EHMT1: variants seen among roughly 807,000 people sequenced by gnomAD.
The protein encoded by EHMT1 is histone-lysine N-methyltransferase EHMT1.
In EHMT1, 15 loss-of-function variants were observed where a neutral mutation model predicts 147.2. The observed-to-expected ratio is 0.10, with a 90% confidence interval of 0.07 to 0.16. The LOEUF is 0.16. Ranked by LOEUF, EHMT1 falls within the 10% of genes least tolerant of loss-of-function variation. The pLI is 1.00. For synonymous variants in EHMT1, 795 were observed against 709.6 expected (o/e 1.12, Z -1.91); for missense variants, 1,587 against 1,772.4 (o/e 0.90, Z 1.88).
At chr9:137,818,204 C>T in intron 25 of EHMT1, 66 bp downstream of exon 25, 7 of 1,545,820 alleles carry the variant, frequency 4.5e-6, no homozygotes, top group East Asian at 2.2e-5. Context: ...ATGTGTTTGT[C>T]CCAGTAGGGC....
At chr9:137,677,833 C>T (rs1046688914) in intron 1 of EHMT1, among the ~76,000 whole-genome samples, 1 of 151,186 alleles carries the variant, frequency 6.6e-6, no homozygotes, top group Admixed American at 6.6e-5. Flanking sequence ...CGGAGGCGGG[C>T]GGATCACGAA....
intron 7 of EHMT1, among the ~76,000 whole-genome samples, chr9:137,753,727 TTATAA>T (rs1949160314): frequency 6.6e-6 from 1 of 152,210 alleles, no homozygotes; most frequent in African/African-American, 2.4e-5. Flanking sequence ...TCTTGAAATA[TTATAA>T]GTTAATTACA....
At chr9:137,779,841 C>T (rs749853235) in intron 14 of EHMT1, 124 bp downstream of exon 14, 12 of 1,065,340 alleles carry the variant, frequency 1.1e-5, no homozygotes, top group Non-Finnish European at 1.5e-5. Context: ...TCTGTGTCTC[C>T]GAGTTCTCTG....
chr9:137,706,739 G>C (rs868809129), intron 1 of EHMT1, among the ~76,000 whole-genome samples: 1 of 149,428 alleles, frequency 6.7e-6, no homozygotes, highest in Non-Finnish European at 1.5e-5. Flanking sequence ...CGCCTGCCTC[G>C]GCCTCCCAAA....
At chr9:137,812,912 A>C (rs1174229437) in intron 19 of EHMT1, 94 bp from the exon 20 acceptor site, 22 of 1,524,408 alleles carry the variant, frequency 1.4e-5, no homozygotes, top group Non-Finnish European at 2.0e-5. Flanking sequence ...TGTTCCCTTT[A>C]TTGTTAGTGA....
chr9:137,710,935 C>T (rs1480009354), intron 1 of EHMT1, 32 bp from the exon 2 acceptor site: 3 of 1,577,922 alleles, frequency 1.9e-6, no homozygotes, highest in Admixed American at 1.8e-5. Context: ...TCCCACTGAA[C>T]CCGGCTGACG....
At chr9:137,674,304 C>T (rs1941009183) in intron 1 of EHMT1, among the ~76,000 whole-genome samples, 2 of 152,186 alleles carry the variant, frequency 1.3e-5, no homozygotes, top group Non-Finnish European at 2.9e-5. Context: ...ATTCCAGGTG[C>T]CGAAAGACAT....
At chr9:137,791,998 G>A (rs531410242) in intron 16 of EHMT1, 2 of 450,332 alleles carry the variant, frequency 4.4e-6, no homozygotes, top group African/African-American at 4.1e-5. Flanking sequence ...CTCCCATGGT[G>A]CTGGGATTAT....
intron 3 of EHMT1, among the ~76,000 whole-genome samples, chr9:137,720,421 T>C (rs1265007314): frequency 3.3e-5 from 5 of 152,120 alleles, no homozygotes; most frequent in African/African-American, 4.8e-5. Context: ...CTCCTGCCTC[T>C]GCCTCCTGAG....
At chr9:137,694,313 A>G (rs1943211395) in intron 1 of EHMT1, among the ~76,000 whole-genome samples, 2 of 122,334 alleles carry the variant, frequency 1.6e-5, no homozygotes, top group Admixed American at 1.8e-4. Flanking sequence ...ACGCTAACCG[A>G]TACCCCCCAC....
At position 137,779,628 on chromosome 9, in the gene EHMT1, C is replaced by A; in HGVS notation, c.2193-7C>A. ...CCATGCTGACTGTTGTCTTGTGCTT[C>A]CCACAGACCCAAGAAGCTTCGCTTC... is the stretch of plus-strand genomic sequence containing the variant. On this transcript the variant is annotated splice_polypyrimidine_tract_variant and splice_region_variant and intron_variant, in intron 13 of 26. Coordinates refer to ENST00000460843, the MANE Select transcript of EHMT1 (RefSeq NM_024757.5). 1 of 1,613,832 alleles carries A rather than the reference C, an allele frequency of 6.2e-7. No homozygotes were observed. Among genetic ancestry groups the A allele is most frequent in the Non-Finnish European group, 8.5e-7 (1 of 1,180,044 alleles).
At chr9:137,820,180 G>A (rs565904851) in intron 25 of EHMT1, 3 of 152,216 alleles carry the variant, frequency 2.0e-5, no homozygotes, top group African/African-American at 7.2e-5. Context: ...AGTGACTGTT[G>A]GTGAAATGAC....
chr9:137,726,266 A>G (rs560252279), intron 3 of EHMT1, among the ~76,000 whole-genome samples: 6 of 152,250 alleles, frequency 3.9e-5, no homozygotes, highest in Admixed American at 2.0e-4. Flanking sequence ...TCCTTTAAAC[A>G]CTGACTTCCC....
chr9:137,645,830 A>G (rs1342523729), intron 1 of EHMT1, among the ~76,000 whole-genome samples: 1 of 152,114 alleles, frequency 6.6e-6, no homozygotes. Context: ...TGAAATGCAC[A>G]CTAGATTTCA....
intron 1 of EHMT1, among the ~76,000 whole-genome samples, chr9:137,646,932 C>G (rs1197539132): frequency 6.6e-6 from 1 of 152,164 alleles, no homozygotes; most frequent in East Asian, 1.9e-4. Flanking sequence ...CTCCACTACT[C>G]CTCAGATGCC....
At chr9:137,810,762 G>A (rs1030059872) in intron 18 of EHMT1, among the ~76,000 whole-genome samples, 2 of 151,534 alleles carry the variant, frequency 1.3e-5, no homozygotes, top group African/African-American at 4.9e-5. Context: ...GCAGTGGCAC[G>A]TTCTCGGCTC....
At chr9:137,811,762 C>A (rs1012021813) in intron 19 of EHMT1, 147 bp downstream of exon 19, 4 of 1,091,310 alleles carry the variant, frequency 3.7e-6, no homozygotes, top group Non-Finnish European at 4.0e-6. Flanking sequence ...CCTTGGTGTT[C>A]CACACGCAGA....
intron 25 of EHMT1, among the ~76,000 whole-genome samples, chr9:137,822,571 T>C (rs1304581041): frequency 6.6e-6 from 1 of 152,026 alleles, no homozygotes; most frequent in African/African-American, 2.4e-5. Flanking sequence ...TTGCCATCCT[T>C]TTACTTCTTT....
At position 137,787,821 on chromosome 9, in the gene EHMT1, C is replaced by T; in HGVS notation, c.2383-3027C>T. On this transcript the variant is annotated intron_variant, in intron 15 of 26. Coordinates refer to ENST00000460843, the MANE Select transcript of EHMT1 (RefSeq NM_024757.5). The surrounding 1 kb of genome is among the most constrained non-coding windows in gnomAD (Gnocchi z 4.2). ...GGGCCCTCAGGTTTCAGGGGCCACC[C>T]CCCAGTAGGCAGAGCTGGTTGACGG... 1.1e-6 allele frequency: 1 copy of T among 941,956 alleles called. No individual in the cohort carries two copies. Among genetic ancestry groups the T allele is most frequent in the Non-Finnish European group, 1.8e-6 (1 of 570,490 alleles). 58.3% of individuals were successfully genotyped at this position (941,956 alleles called of 1,614,324 possible). A position where few individuals can be genotyped will look rare whatever the true frequency, so the allele number is the denominator to read the frequency against.
Sources: gnomAD v4.1 joint callset for allele counts (sites outside exome capture counted in the v4.1 genomes callset) on GRCh38, gnomAD v4.1.1 for gene constraint, Gnocchi (gnomAD v3.1) non-coding constraint, MANE v1.5 for transcripts, NCBI Gene and HGNC (gene_info 2026-07-23, HGNC 2026-07-21) for gene names.